The following RPA3 variants were observed in gnomAD, a reference collection of about 807,000 sequenced individuals.
RPA3 encodes replication protein A3, also known as replication protein A 14 kDa subunit.
RPA3 carries 24 observed loss-of-function variants against 13.7 expected under a neutral mutation model. That is an observed-to-expected ratio of 1.75 (90% CI 1.27 to 2.46). The LOEUF is 2.46. Ranked by LOEUF, RPA3 falls within the 30% of genes most tolerant of loss-of-function variation. The probability of loss-of-function intolerance (pLI) is 0.00; values close to 1 mark genes in which losing one functional copy is unlikely to be tolerated. For synonymous variants in RPA3, 59 were observed against 51.2 expected (o/e 1.15, Z -0.65); for missense variants, 183 against 151.0 (o/e 1.21, Z -1.11).
intron 2 of RPA3, among the ~76,000 whole-genome samples, chr7:7,687,746 C>T (rs1583737242): frequency 6.6e-6 from 1 of 152,282 alleles, no homozygotes; most frequent in East Asian, 1.9e-4. Flanking sequence ...TATACATACA[C>T]ACACATATTT....
chr7:7,637,899 G>A lies in RPA3; in HGVS notation c.248C>T (p.Ser83Phe), dbSNP rs1784892208. ...GCTATCTTCTTTAAACTGGACATAA[G>A]ATGTACACAAGATGGTGGCCTTGGC... ...VTAKATILCT[S>F]YVQFKEDSHP... The change falls in exon 7 of 8, where the codon TCT becomes TTT. Residue 83 changes from serine (S) to phenylalanine (F), a missense_variant. By Grantham distance (155) the Ser-to-Phe change is radical. Coordinates refer to ENST00000223129, the MANE Select transcript of RPA3 (RefSeq NM_002947.5). The A allele has an allele frequency of 6.2e-7, 1 of 1,613,336 alleles. No individual in the cohort carries two copies. Among genetic ancestry groups the A allele is most frequent in the Admixed American group, 1.7e-5 (1 of 59,980 alleles).
chr7:7,678,695 AAT>A lies in RPA3; in HGVS notation c.-758+7133_-758+7134del, dbSNP rs375175447. On this transcript the variant is annotated intron_variant, in intron 4 of 7. Transcript: ENST00000223129. Reference sequence around the variant, plus strand: ...TATATATTTATATATTTAGTTTATAAATATATATTTATATATTTAGTTTATAA... The same window carrying A: ...TATATATTTATATATTTAGTTTATAAATATATTTATATATTTAGTTTATAA... Among the ~76,000 whole-genome samples the A allele has an allele frequency of 1.8e-3, 178 of 100,756 alleles. 1 individual carries two copies. Among genetic ancestry groups the A allele is most frequent in the African/African-American group, 6.7e-3 (168 of 24,960 alleles). 66.1% of individuals were successfully genotyped at this position (100,756 alleles called of 152,430 possible). A position where few individuals can be genotyped will look rare whatever the true frequency, so the allele number is the denominator to read the frequency against.
intron 5 of RPA3, 50 bp downstream of exon 5, chr7:7,640,269 TC>T: frequency 6.4e-7 from 1 of 1,570,188 alleles, no homozygotes; most frequent in Non-Finnish European, 8.8e-7. Context: ...CCAGGCGGGG[TC>T]CCTCCCTCCA....
chr7:7,668,861 C>T (rs895637332), intron 4 of RPA3, among the ~76,000 whole-genome samples: 3 of 152,186 alleles, frequency 2.0e-5, no homozygotes, highest in Non-Finnish European at 4.4e-5. Context: ...CTCAAGGCCT[C>T]AGGAGGAACC....
At chr7:7,656,335 A>G (rs1266556569) in intron 4 of RPA3, among the ~76,000 whole-genome samples, 1 of 151,922 alleles carries the variant, frequency 6.6e-6, no homozygotes, top group African/African-American at 2.4e-5. Flanking sequence ...GTTTTATTAT[A>G]CTTAAAGTTC....
Position 7,636,924 on chromosome 7 carries a change from C to T in RPA3, c.*76G>A. 1 of 1,039,434 alleles carries T rather than the reference C, an allele frequency of 9.6e-7. No homozygotes were observed. The highest frequency in any genetic ancestry group is 2.4e-5 in the East Asian group (1 of 41,360). 64.4% of individuals were successfully genotyped at this position (1,039,434 alleles called of 1,614,324 possible). On this transcript the variant is annotated 3_prime_UTR_variant, in exon 8 of 8. Transcript: ENST00000223129. ...TAAATATGAGAAAGCACAGAAATCTCTCCCTCAAACAAGAAGGGCTTCCTT... is the reference window on the plus strand; with the variant it reads ...TAAATATGAGAAAGCACAGAAATCTTTCCCTCAAACAAGAAGGGCTTCCTT...
intron 4 of RPA3, among the ~76,000 whole-genome samples, chr7:7,679,402 T>TA (rs1399235557): frequency 0.011 from 73 of 6,658 alleles, 30 homozygotes; most frequent in African/African-American, 0.025. Context: ...AATTTATAGA[T>TA]AATATATATT....
intron 4 of RPA3, among the ~76,000 whole-genome samples, chr7:7,666,665 T>A (rs1011178948): frequency 1.3e-5 from 2 of 152,132 alleles, no homozygotes; most frequent in African/African-American, 4.8e-5. Flanking sequence ...CTGTTCATAT[T>A]TTTTGCCCGG....
chr7:7,638,052 TACTAA>T, intron 6 of RPA3, 80 bp from the exon 7 acceptor site: 1 of 947,060 alleles, frequency 1.1e-6, no homozygotes, highest in Non-Finnish European at 1.6e-6. Flanking sequence ...TTATACAGGT[TACTAA>T]TCTATCACTT....
At chr7:7,648,254 G>A (rs1563081624) in intron 4 of RPA3, among the ~76,000 whole-genome samples, 1 of 152,232 alleles carries the variant, frequency 6.6e-6, no homozygotes, top group African/African-American at 2.4e-5. Context: ...GCGTTTGACA[G>A]ATCATGAGTG....
At chr7:7,648,082 T>C (rs1785137968) in intron 4 of RPA3, among the ~76,000 whole-genome samples, 1 of 152,252 alleles carries the variant, frequency 6.6e-6, no homozygotes, top group African/African-American at 2.4e-5. Flanking sequence ...ACAGCTGGCC[T>C]GGGAGGTCTC....
intron 2 of RPA3, 56 bp downstream of exon 2, chr7:7,715,119 A>G (rs1385750010): frequency 6.6e-6 from 1 of 152,196 alleles, no homozygotes; most frequent in African/African-American, 2.4e-5. Context: ...ATTATAGAAT[A>G]TCTCACCATT....
At chr7:7,715,286 A>G (rs1780871784) in intron 1 of RPA3, 60 bp from the exon 2 acceptor site, 1 of 152,146 alleles carries the variant, frequency 6.6e-6, no homozygotes, top group Non-Finnish European at 1.5e-5. Context: ...AGATTTATGA[A>G]TACAGTTTCA....
chr7:7,658,569 C>A (rs1238808951), intron 4 of RPA3, among the ~76,000 whole-genome samples: 3 of 152,094 alleles, frequency 2.0e-5, no homozygotes, highest in Non-Finnish European at 4.4e-5. Context: ...TTGAGATAGT[C>A]ATGTGGTTTT....
chr7:7,685,250 A>T (rs774733102), intron 4 of RPA3, among the ~76,000 whole-genome samples: 1 of 151,488 alleles, frequency 6.6e-6, no homozygotes, highest in Non-Finnish European at 1.5e-5. Flanking sequence ...TGTTTTTTTT[A>T]TTCATTGCAT....
At chr7:7,699,034 T>TTC (rs1563133850) in intron 2 of RPA3, among the ~76,000 whole-genome samples, 5 of 127,130 alleles carry the variant, frequency 3.9e-5, no homozygotes, top group African/African-American at 1.5e-4. Context: ...TTTATATAGT[T>TTC]TGTGTGTGTG....
intron 7 of RPA3, among the ~76,000 whole-genome samples, chr7:7,637,419 T>C (rs1295922682): frequency 6.6e-6 from 1 of 152,142 alleles, no homozygotes; most frequent in Non-Finnish European, 1.5e-5. Flanking sequence ...AAACATTAAT[T>C]AATCTTTACT....
intron 2 of RPA3, among the ~76,000 whole-genome samples, chr7:7,693,557 TC>T (rs1780232136): frequency 6.6e-6 from 1 of 152,128 alleles, no homozygotes; most frequent in African/African-American, 2.4e-5. Context: ...AACTAGAACT[TC>T]CAGTGTATCA....
Position 7,642,362 on chromosome 7 carries a change from C to T in RPA3, c.-757-1187G>A, listed in dbSNP as rs558765696. ...TCAGATGGGGCCTCGCCATGTTGACCAGGCTTATCTCAAACTCCTGGGCTC... is the reference window on the plus strand; with the variant it reads ...TCAGATGGGGCCTCGCCATGTTGACTAGGCTTATCTCAAACTCCTGGGCTC... On this transcript the variant is annotated intron_variant, in intron 4 of 7. Coordinates refer to ENST00000223129, the MANE Select transcript of RPA3 (RefSeq NM_002947.5). Among the ~76,000 whole-genome samples the T allele has an allele frequency of 2.0e-5, 3 of 152,038 alleles. No homozygotes were observed. The East Asian group carries it at 5.8e-4, about 29-fold the overall frequency.
Sources: gnomAD v4.1 joint callset for allele counts (sites outside exome capture counted in the v4.1 genomes callset) on GRCh38, gnomAD v4.1.1 for gene constraint, MANE v1.5 for transcripts, NCBI Gene and HGNC (gene_info 2026-07-23, HGNC 2026-07-21) for gene names.